Variants in MTMR10 observed in about 807,000 individuals in gnomAD.
MTMR10 encodes myotubularin-related protein 10.
In MTMR10, 56 loss-of-function variants were observed where a neutral mutation model predicts 88.1. The observed-to-expected ratio is 0.64, with a 90% CI of 0.51 to 0.79. The LOEUF is 0.79. MTMR10 is among the 30% of genes least tolerant of loss of function. MTMR10 has a pLI of 0.00. For missense variants in MTMR10, 883 were observed against 924.7 expected (o/e 0.95, Z 0.58); for synonymous variants, 380 against 340.9 (o/e 1.11, Z -1.26).
rs757901805 is a variant in MTMR10, at chr15:30,942,041, G to A, written c.1763C>T (p.Pro588Leu). The A allele has an allele frequency of 6.8e-6, 11 of 1,613,780 alleles. No individual in the cohort carries two copies. Among genetic ancestry groups the A allele is most frequent in the Admixed American group, 3.3e-5 (2 of 60,000 alleles). Reference protein sequence around the residue: ...KSYSSTLRGMPSALKNGIISD... With the variant: ...KSYSSTLRGMLSALKNGIISD... ...GATGATTCCATTCTTTAAGGCAGAC[G>A]GCATTCCTCTTAGTGTGGAGCTGTA... Residue 588 changes from proline (P) to leucine (L), a missense_variant, in exon 16 of 16, where the codon CCG (proline) becomes CTG (leucine). This residue lies in a region of MTMR10 where 343 missense variants were observed against 323.2 expected (regional missense o/e 1.06). Coordinates refer to ENST00000435680, the MANE Select transcript of MTMR10 (RefSeq NM_017762.3).
At chr15:30,953,770 A>G in intron 10 of MTMR10, 139 bp from the exon 11 acceptor site, 2 of 597,048 alleles carry the variant, frequency 3.3e-6, no homozygotes, top group Admixed American at 3.1e-5. Flanking sequence ...ATAACATGGA[A>G]TAAGCATTTA....
At chr15:30,987,828 G>C (rs567802548) in intron 2 of MTMR10, among the ~76,000 whole-genome samples, 1 of 151,752 alleles carries the variant, frequency 6.6e-6, no homozygotes, top group Admixed American at 6.6e-5. Context: ...AGCCCCGCAC[G>C]CATTAGGTAT....
At chr15:30,978,920 CTGAG>C (rs1420875034) in intron 2 of MTMR10, among the ~76,000 whole-genome samples, 1 of 152,074 alleles carries the variant, frequency 6.6e-6, no homozygotes, top group Non-Finnish European at 1.5e-5. Context: ...TATAGACGCA[CTGAG>C]TAATTCAAAT....
At chr15:30,971,836 C>A (rs1283697030) in intron 5 of MTMR10, among the ~76,000 whole-genome samples, 1 of 152,108 alleles carries the variant, frequency 6.6e-6, no homozygotes, top group Non-Finnish European at 1.5e-5. Context: ...TTTATACAGA[C>A]CTTTCCCAAA....
intron 15 of MTMR10, 167 bp downstream of exon 15, chr15:30,942,723 A>C: frequency 1.5e-6 from 1 of 679,516 alleles, no homozygotes; most frequent in Non-Finnish European, 2.3e-6. Flanking sequence ...GACACCAGGA[A>C]GAAAGCTGGG....
downstream of MTMR10, among the ~76,000 whole-genome samples, chr15:30,936,544 T>TA (rs1446419568): frequency 3.3e-5 from 5 of 152,272 alleles, no homozygotes; most frequent in African/African-American, 1.2e-4. Context: ...AAGAACTGTC[T>TA]AGTTTCTACA....
intron 11 of MTMR10, among the ~76,000 whole-genome samples, chr15:30,952,273 T>C (rs1470899401): frequency 1.3e-5 from 2 of 152,236 alleles, no homozygotes; most frequent in Admixed American, 1.3e-4. Flanking sequence ...CAAGAGAGGA[T>C]TGACTGCTTT....
At chr15:30,930,102 G>A in the MTMR10 span, among the ~76,000 whole-genome samples, 51 of 149,706 alleles carry the variant, frequency 3.4e-4, no homozygotes, top group South Asian at 9.4e-3. Flanking sequence ...TGTTAGTGAT[G>A]GAAACATACT....
chr15:30,935,641 G>T (rs928501412), downstream of MTMR10, among the ~76,000 whole-genome samples: 1 of 152,110 alleles, frequency 6.6e-6, no homozygotes, highest in Non-Finnish European at 1.5e-5. Context: ...GGTAACAGAG[G>T]GGGTCCTTGA....
chr15:30,940,350 TG>T lies in MTMR10; in HGVS notation c.*1119del, dbSNP rs1340766338. On this transcript the variant is annotated 3_prime_UTR_variant, in exon 16 of 16. Coordinates refer to ENST00000435680, the MANE Select transcript of MTMR10 (RefSeq NM_017762.3). Reference sequence around the variant, plus strand: ...TCTCCTCAACTTTGCTGTCCAAAGTTGGGGGCTGGGGGAGCACTTCTGTCGC... The same window carrying T: ...TCTCCTCAACTTTGCTGTCCAAAGTTGGGGCTGGGGGAGCACTTCTGTCGC... 1.4e-5 allele frequency: 14 copies of T among 985,322 alleles called. No individual in the cohort carries two copies. Among genetic ancestry groups the T allele is most frequent in the Non-Finnish European group, 1.6e-5 (13 of 829,928 alleles). 61.0% of individuals were successfully genotyped at this position (985,322 alleles called of 1,614,324 possible).
intron 12 of MTMR10, chr15:30,950,312 TC>T (rs1304223101): frequency 2.0e-5 from 3 of 152,188 alleles, no homozygotes; most frequent in African/African-American, 7.2e-5. Flanking sequence ...TTGATTTTTT[TC>T]TAAGAGTCTT....
chr15:30,928,277 T>C, the MTMR10 span: 35 of 1,224,336 alleles, frequency 2.9e-5, no homozygotes, highest in Non-Finnish European at 3.5e-5. Flanking sequence ...TTCACTAAAG[T>C]TTGAGAACCA....
chr15:30,942,857 A>G, intron 15 of MTMR10, 33 bp downstream of exon 15: 1 of 1,535,210 alleles, frequency 6.5e-7, no homozygotes, highest in Admixed American at 2.0e-5. Flanking sequence ...GTTACGTGTG[A>G]GCCAACATCA....
intron 14 of MTMR10, chr15:30,943,591 G>A: frequency 2.3e-5 from 23 of 985,382 alleles, no homozygotes; most frequent in Non-Finnish European, 2.8e-5. Context: ...CTCAGGGTAG[G>A]AAGGAAGGGA....
the MTMR10 span, among the ~76,000 whole-genome samples, chr15:30,923,122 A>G: frequency 6.6e-6 from 1 of 151,796 alleles, no homozygotes; most frequent in African/African-American, 2.4e-5. Context: ...AGGGTGATGT[A>G]GGGGTGGAAA....
chr15:30,942,359 A>G (rs2063083853), intron 15 of MTMR10: 1 of 467,132 alleles, frequency 2.1e-6, no homozygotes, highest in Non-Finnish European at 3.8e-6. Context: ...ACGGGCTAGA[A>G]AAAACACTAG....
rs767018763 is a variant in MTMR10, at chr15:30,941,563, C to G, written c.2241G>C (p.Leu747=). ...GTGTTCCTAAAATGCTTCGTCTGCA[C>G]AGATTCCCTACAGGAGAAAATGGAA... ...SSFPFSPVGN[L]CRRSILGTPL... Residue 747 remains leucine, a synonymous_variant, in exon 16 of 16, where the codon CTG becomes CTC. Coordinates refer to ENST00000435680, the MANE Select transcript of MTMR10 (RefSeq NM_017762.3). 1 of 1,602,034 alleles carries G rather than the reference C, an allele frequency of 6.2e-7. No individual in the cohort carries two copies. Among genetic ancestry groups the G allele is most frequent in the Non-Finnish European group, 8.5e-7 (1 of 1,173,730 alleles).
chr15:30,929,342 G>T, the MTMR10 span: 4 of 1,611,500 alleles, frequency 2.5e-6, no homozygotes, highest in Non-Finnish European at 3.4e-6. Flanking sequence ...GAGCAGGAAG[G>T]CAGAGTGGCT....
intron 14 of MTMR10, among the ~76,000 whole-genome samples, chr15:30,945,572 C>T (rs933979251): frequency 6.6e-6 from 1 of 151,904 alleles, no homozygotes; most frequent in Non-Finnish European, 1.5e-5. Flanking sequence ...GGGGTAGTGA[C>T]GGGAGACAAT....
Sources: gnomAD v4.1 joint callset for allele counts (sites outside exome capture counted in the v4.1 genomes callset) on GRCh38, gnomAD v4.1.1 for gene constraint, gnomAD v4.1.1 regional missense constraint, MANE v1.5 for transcripts, NCBI Gene and HGNC (gene_info 2026-07-23, HGNC 2026-07-21) for gene names.